The following CNTN5 variants were observed in gnomAD, a reference collection of about 807,000 sequenced individuals.
CNTN5 encodes the protein contactin 5.
Under a neutral mutation model 129.1 loss-of-function variants are expected in CNTN5, and 77 were observed. The observed-to-expected ratio is 0.60, with a 90% CI of 0.50 to 0.72. CNTN5 has a LOEUF of 0.72. Among genes scored for constraint, CNTN5 ranks in the 30% least tolerant of loss-of-function variants. CNTN5 has a pLI of 0.00. For synonymous variants in CNTN5, 509 were observed against 465.6 expected (o/e 1.09, Z -1.20); for missense variants, 1,478 against 1,328.8 (o/e 1.11, Z -1.75).
intron 8 of CNTN5, among the ~76,000 whole-genome samples, chr11:99,989,361 G>A (rs1363896568): frequency 1.3e-5 from 2 of 151,874 alleles, no homozygotes; most frequent in Non-Finnish European, 2.9e-5. Flanking sequence ...ATTGGCTGTT[G>A]GAAGCAGAAT....
intron 2 of CNTN5, among the ~76,000 whole-genome samples, chr11:99,327,917 A>G (rs1259473956): frequency 6.6e-6 from 1 of 152,156 alleles, no homozygotes; most frequent in Non-Finnish European, 1.5e-5. Flanking sequence ...CTCCAAGTGG[A>G]AGAGCTTTAT....
At chr11:99,734,618 A>G (rs1373724284) in intron 3 of CNTN5, among the ~76,000 whole-genome samples, 1 of 152,132 alleles carries the variant, frequency 6.6e-6, no homozygotes, top group Non-Finnish European at 1.5e-5. Context: ...TCTAAAAGGC[A>G]TTGATTTTGT....
intron 1 of CNTN5, among the ~76,000 whole-genome samples, chr11:99,133,103 A>C (rs982306993): frequency 4.6e-5 from 7 of 152,146 alleles, no homozygotes; most frequent in Non-Finnish European, 8.8e-5. Flanking sequence ...ATAAGGCCAC[A>C]CACCTACAAC....
intron 8 of CNTN5, among the ~76,000 whole-genome samples, chr11:99,998,731 C>T (rs1206609380): frequency 6.9e-6 from 1 of 144,620 alleles, no homozygotes; most frequent in African/African-American, 2.6e-5. Flanking sequence ...AAGCTGGAGG[C>T]ATCACGCTAC....
chr11:99,376,837 GT>G (rs1275768302), intron 2 of CNTN5, among the ~76,000 whole-genome samples: 1 of 152,134 alleles, frequency 6.6e-6, no homozygotes, highest in East Asian at 1.9e-4. Context: ...GCTTCCAACA[GT>G]TAAAAATCCT....
intron 9 of CNTN5, among the ~76,000 whole-genome samples, chr11:100,021,234 G>A (rs1941124126): frequency 6.6e-6 from 1 of 152,106 alleles, no homozygotes; most frequent in African/African-American, 2.4e-5. Flanking sequence ...TTATGACAAA[G>A]AATTTGTTGT....
chr11:99,956,813 C>T lies in CNTN5; in HGVS notation c.681C>T (p.Ile227=), dbSNP rs774698713. ...CSPPPHSPEI[I]YSWVFNEFPS... Reference sequence around the variant, plus strand: ...AATTTTGTGTATTTTCAGAGATCATCTATAGCTGGGTATTTAATGAGTTCC... The same window carrying T: ...AATTTTGTGTATTTTCAGAGATCATTTATAGCTGGGTATTTAATGAGTTCC... The change falls in exon 8 of 25, where the codon ATC becomes ATT. Residue 227 remains isoleucine, a synonymous_variant. Transcript: ENST00000524871. 1.2e-6 allele frequency: 2 copies of T among 1,613,580 alleles called. No individual in the cohort carries two copies. Among genetic ancestry groups the T allele is most frequent in the African/African-American group, 2.7e-5 (2 of 75,018 alleles).
chr11:100,305,097 G>A (rs1363397608), intron 20 of CNTN5, among the ~76,000 whole-genome samples: 2 of 151,590 alleles, frequency 1.3e-5, no homozygotes, highest in South Asian at 4.2e-4. Flanking sequence ...GACCCTAGGA[G>A]ATGAAGAATG....
intron 7 of CNTN5, among the ~76,000 whole-genome samples, chr11:99,942,019 C>CT (rs1950450232): frequency 1.3e-5 from 2 of 152,050 alleles, no homozygotes; most frequent in Non-Finnish European, 2.9e-5. Context: ...AAACTACTTA[C>CT]TGGATACTCT....
At chr11:100,011,565 T>C (rs1451007783) in intron 9 of CNTN5, among the ~76,000 whole-genome samples, 1 of 152,132 alleles carries the variant, frequency 6.6e-6, no homozygotes, top group Non-Finnish European at 1.5e-5. Flanking sequence ...GTGAATGACC[T>C]TTGCAAACTC....
intron 3 of CNTN5, among the ~76,000 whole-genome samples, chr11:99,757,858 T>A (rs1460979993): frequency 6.6e-6 from 1 of 152,054 alleles, no homozygotes; most frequent in Non-Finnish European, 1.5e-5. Flanking sequence ...TGTTTTAAAG[T>A]TTAGAAATGA....
chr11:99,914,551 ATGAC>A (rs1246838445), intron 6 of CNTN5, among the ~76,000 whole-genome samples: 28 of 152,238 alleles, frequency 1.8e-4, no homozygotes, highest in African/African-American at 6.5e-4. Context: ...ATATTTGAAA[ATGAC>A]TGCCTTGATT....
chr11:99,578,035 G>T (rs1227243901), intron 3 of CNTN5, among the ~76,000 whole-genome samples: 4 of 139,788 alleles, frequency 2.9e-5, no homozygotes, highest in Non-Finnish European at 6.0e-5. Flanking sequence ...GTGTCCATGT[G>T]TTCTCATTGT....
chr11:99,408,497 AG>A (rs1289818296), intron 2 of CNTN5, among the ~76,000 whole-genome samples: 1 of 146,864 alleles, frequency 6.8e-6, no homozygotes, highest in Admixed American at 6.9e-5. Context: ...AAAGAAAGAA[AG>A]AAAGAAAGTT....
At chr11:99,091,477 T>C (rs1369411202) in intron 1 of CNTN5, among the ~76,000 whole-genome samples, 1 of 152,180 alleles carries the variant, frequency 6.6e-6, no homozygotes, top group African/African-American at 2.4e-5. Context: ...TAGAAAGCTG[T>C]TACCTCCCTT....
intron 12 of CNTN5, among the ~76,000 whole-genome samples, chr11:100,072,329 G>A (rs1183410882): frequency 3.9e-5 from 6 of 152,160 alleles, no homozygotes; most frequent in African/African-American, 1.4e-4. Context: ...ACTTAACAGG[G>A]AAAGGCTTCC....
At chr11:100,347,881 G>T (rs1320166063) in intron 23 of CNTN5, among the ~76,000 whole-genome samples, 1 of 151,838 alleles carries the variant, frequency 6.6e-6, no homozygotes, top group Non-Finnish European at 1.5e-5. Flanking sequence ...GAGTAGTTTG[G>T]GTATAACCAG....
At chr11:99,703,031 A>G (rs1215414530) in intron 3 of CNTN5, among the ~76,000 whole-genome samples, 2 of 150,834 alleles carry the variant, frequency 1.3e-5, no homozygotes, top group South Asian at 2.1e-4. Flanking sequence ...AGGATGTTTT[A>G]ATAGGACACA....
chr11:100,298,729 A>G (rs1207666282), intron 19 of CNTN5, among the ~76,000 whole-genome samples: 1 of 151,390 alleles, frequency 6.6e-6, no homozygotes, highest in African/African-American at 2.4e-5. Context: ...ATTGCAAAGC[A>G]CACTACAAAA....
Sources: gnomAD v4.1 joint callset for allele counts (sites outside exome capture counted in the v4.1 genomes callset) on GRCh38, gnomAD v4.1.1 for gene constraint, MANE v1.5 for transcripts, NCBI Gene and HGNC (gene_info 2026-07-23, HGNC 2026-07-21) for gene names.